GRIK4: variants seen among roughly 807,000 people sequenced by gnomAD.
The protein encoded by GRIK4 is glutamate ionotropic receptor kainate type subunit 4, also known as glutamate receptor ionotropic, kainate 4.
Under a neutral mutation model 104.9 loss-of-function variants are expected in GRIK4, and 40 were observed. The observed-to-expected ratio is 0.38, with a 90% CI of 0.30 to 0.50. The LOEUF is 0.50. Among genes scored for constraint, GRIK4 ranks in the 20% least tolerant of loss-of-function variants. GRIK4 has a pLI of 0.93. For missense variants in GRIK4, 1,047 were observed against 1,308.1 expected, an observed-to-expected ratio of 0.80 and a Z score of 3.08; for synonymous variants, 485 against 524.9, an observed-to-expected ratio of 0.92 and a Z score of 1.04.
At chr11:120,642,784 T>C (rs1438546649) in intron 1 of GRIK4, among the ~76,000 whole-genome samples, 1 of 152,178 alleles carries the variant, frequency 6.6e-6, no homozygotes, top group Non-Finnish European at 1.5e-5. Flanking sequence ...GCCGTCCTCC[T>C]CCTCACCTCA....
rs955945682 is a variant in GRIK4 at position 120,987,503 on chromosome 11, T to G, written c.*1243T>G. ...TGTGTATTTATTCAACAGAAAGACC[T>G]TAAGTATTCAAGAATTTGCTAGGTT... On this transcript the variant is annotated 3_prime_UTR_variant, in exon 21 of 21. Coordinates refer to ENST00000527524, the MANE Select transcript of GRIK4 (RefSeq NM_014619.5). 8 of 152,230 alleles carry G rather than the reference T, an allele frequency of 5.3e-5. No homozygotes were observed. Among genetic ancestry groups the G allele is most frequent in the Non-Finnish European group, 1.2e-4 (8 of 68,074 alleles). The allele number at this position is 152,230 out of a possible 1,614,324, so 9.4% of individuals were successfully genotyped here. A position where few individuals can be genotyped will look rare whatever the true frequency, so the allele number is the denominator to read the frequency against.
chr11:120,857,534 T>C (rs1024509343), intron 8 of GRIK4, among the ~76,000 whole-genome samples: 4 of 149,776 alleles, frequency 2.7e-5, no homozygotes, highest in African/African-American at 9.9e-5. Flanking sequence ...ACACACACTT[T>C]TAAAAATGTT....
chr11:120,607,345 C>T (rs1948975472), intron 1 of GRIK4, among the ~76,000 whole-genome samples: 1 of 152,108 alleles, frequency 6.6e-6, no homozygotes. Context: ...GGGAGGGGCA[C>T]CTGTGTTTAG....
At chr11:120,652,219 T>C (rs1264981774) in intron 1 of GRIK4, among the ~76,000 whole-genome samples, 1 of 152,222 alleles carries the variant, frequency 6.6e-6, no homozygotes, top group Non-Finnish European at 1.5e-5. Context: ...TAGAGTTCAG[T>C]TCTTACAACT....
At chr11:120,954,827 ACACAAAC>A (rs1469317348) in intron 15 of GRIK4, among the ~76,000 whole-genome samples, 27 of 11,928 alleles carry the variant, frequency 2.3e-3, no homozygotes, top group African/African-American at 0.012. Context: ...ACACACACAC[ACACAAAC>A]AATACTGGAG....
At position 120,952,669 on chromosome 11, in the gene GRIK4, C is replaced by T. The variant is rs893025322; in HGVS notation, c.1591-186C>T. Among the ~76,000 whole-genome samples, 1 of 152,114 alleles carries T rather than the reference C, an allele frequency of 6.6e-6. No individual in the cohort carries two copies. The highest frequency in any genetic ancestry group is 1.5e-5 in the Non-Finnish European group (1 of 68,022). On this transcript the variant is annotated intron_variant, in intron 14 of 20. Coordinates refer to ENST00000527524, the MANE Select transcript of GRIK4 (RefSeq NM_014619.5). This position sits in a 1 kb window ranked among gnomAD's most constrained non-coding sequence, Gnocchi z 5.2. ...TCACCTGCTGAGGTCAGGGCTGGGT[C>T]GTGTCATTTGCGCAGCCCGGCAACA... is the stretch of plus-strand genomic sequence containing the variant.
At chr11:120,807,349 C>T (rs1259095904) in intron 4 of GRIK4, among the ~76,000 whole-genome samples, 3 of 152,202 alleles carry the variant, frequency 2.0e-5, no homozygotes, top group African/African-American at 7.2e-5. Context: ...TTCCTGCAGA[C>T]CCAGAAGCAG....
At chr11:120,779,865 T>TAC (rs1168085620) in intron 3 of GRIK4, among the ~76,000 whole-genome samples, 1 of 152,262 alleles carries the variant, frequency 6.6e-6, no homozygotes, top group African/African-American at 2.4e-5. Flanking sequence ...AGCATTGTGA[T>TAC]ACACTAGACA....
chr11:120,569,027 C>T (rs1948365010), intron 1 of GRIK4, among the ~76,000 whole-genome samples: 1 of 152,226 alleles, frequency 6.6e-6, no homozygotes, highest in African/African-American at 2.4e-5. Flanking sequence ...AGAACAACGG[C>T]TGTTGCCATT....
chr11:120,805,393 T>G (rs1952692420), intron 4 of GRIK4, among the ~76,000 whole-genome samples: 1 of 152,214 alleles, frequency 6.6e-6, no homozygotes, highest in Admixed American at 6.5e-5. Flanking sequence ...GTAAATTTCC[T>G]CTTTTAGTGA....
intron 13 of GRIK4, among the ~76,000 whole-genome samples, chr11:120,907,417 G>C (rs1268869554): frequency 6.6e-6 from 1 of 152,120 alleles, no homozygotes; most frequent in African/African-American, 2.4e-5. Flanking sequence ...CACACCGAGT[G>C]ACTTGAACAG....
chr11:120,720,913 G>A (rs752243703), intron 3 of GRIK4, among the ~76,000 whole-genome samples: 2 of 152,134 alleles, frequency 1.3e-5, no homozygotes, highest in African/African-American at 4.8e-5. Flanking sequence ...AAAGACAGAA[G>A]AGAGAGGGAC....
At chr11:120,739,440 C>G (rs996593187) in intron 3 of GRIK4, among the ~76,000 whole-genome samples, 1 of 152,132 alleles carries the variant, frequency 6.6e-6, no homozygotes, top group African/African-American at 2.4e-5. Context: ...CTCTTCCAGG[C>G]CTTGCTTCAT....
intron 3 of GRIK4, among the ~76,000 whole-genome samples, chr11:120,755,155 T>A (rs1951630490): frequency 6.6e-6 from 1 of 152,218 alleles, no homozygotes; most frequent in African/African-American, 2.4e-5. Flanking sequence ...AGTCAAAGAC[T>A]GTGCCAGGCC....
intron 1 of GRIK4, among the ~76,000 whole-genome samples, chr11:120,651,434 G>A (rs1048915207): frequency 1.2e-4 from 18 of 152,150 alleles, no homozygotes; most frequent in African/African-American, 4.1e-4. Flanking sequence ...TGCATTAGGG[G>A]TCTGAAATCT....
chr11:120,853,029 C>T (rs943890618), intron 8 of GRIK4, among the ~76,000 whole-genome samples: 3 of 152,090 alleles, frequency 2.0e-5, no homozygotes, highest in Admixed American at 6.5e-5. Flanking sequence ...ATGGGGTGCA[C>T]CAGAGTGAAC....
chr11:120,614,465 CAG>C, intron 1 of GRIK4, among the ~76,000 whole-genome samples: 1 of 152,286 alleles, frequency 6.6e-6, no homozygotes, highest in African/African-American at 2.4e-5. Flanking sequence ...TTGGATGAGA[CAG>C]AGGTGCCTGC....
chr11:120,823,552 AT>A (rs1953178161), intron 6 of GRIK4, among the ~76,000 whole-genome samples: 1 of 152,198 alleles, frequency 6.6e-6, no homozygotes, highest in African/African-American at 2.4e-5. Context: ...CTAAGACTTT[AT>A]CTTAGTCCTC....
chr11:120,695,373 C>T (rs143404636), intron 3 of GRIK4, among the ~76,000 whole-genome samples: 16 of 152,214 alleles, frequency 1.1e-4, no homozygotes, highest in Admixed American at 9.8e-4. Context: ...CATGTCCTAC[C>T]GTGAAGGGCC....
Sources: allele counts gnomAD v4.1 joint callset (sites outside exome capture counted in the v4.1 genomes callset), GRCh38; gene constraint gnomAD v4.1.1; non-coding constraint Gnocchi (gnomAD v3.1); transcripts MANE v1.5; gene names NCBI Gene and HGNC (gene_info 2026-07-23, HGNC 2026-07-21).